The following ARRDC3 variants were observed in gnomAD, a reference collection of about 807,000 sequenced individuals.
ARRDC3 encodes the protein arrestin domain containing 3, also known as arrestin domain-containing protein 3.
In ARRDC3, 10 loss-of-function variants were observed where a neutral mutation model predicts 47.2. The ratio of observed to expected loss-of-function variants is 0.21; its 90% CI spans 0.13 to 0.36. The LOEUF (loss-of-function observed/expected upper bound fraction) is 0.36. Ranked by LOEUF, ARRDC3 falls within the 10% of genes least tolerant of loss-of-function variation. The probability of loss-of-function intolerance (pLI) is 1.00; values close to 1 mark genes in which losing one functional copy is unlikely to be tolerated. For missense variants in ARRDC3, 381 were observed against 503.6 expected, an observed-to-expected ratio of 0.76 and a Z score of 2.33; for synonymous variants, 156 against 178.3, an observed-to-expected ratio of 0.87 and a Z score of 1.00.
chr5:91,371,371 A>C lies in ARRDC3; in HGVS notation c.*29T>G. On this transcript the variant is annotated 3_prime_UTR_variant, in exon 8 of 8. Transcript: ENST00000265138. ...CCGGAAGAGATACAGTTCGGAACCC[A>C]CATCAACTTGATTCAACCAAGTGTT... The C allele has an allele frequency of 6.3e-7, 1 of 1,591,588 alleles. No individual in the cohort carries two copies. The highest frequency in any genetic ancestry group is 8.6e-7 in the Non-Finnish European group (1 of 1,159,928).
intron 3 of ARRDC3, 112 bp from the exon 4 acceptor site, chr5:91,375,725 T>G: frequency 3.0e-6 from 2 of 660,946 alleles, no homozygotes; most frequent in South Asian, 7.7e-5. Flanking sequence ...TTACAACTGG[T>G]TTTGCTTTTT....
intron 6 of ARRDC3, 40 bp downstream of exon 6, chr5:91,374,071 ATAG>A (rs750691126): frequency 2.5e-6 from 4 of 1,574,334 alleles, no homozygotes; most frequent in Non-Finnish European, 3.5e-6. Context: ...TTTCTTGATA[ATAG>A]TAGTAAGAGA....
In ARRDC3 at chr5:91,382,795, T is replaced by G. The variant is rs969691849; in HGVS notation, c.280+18A>C. 6.2e-7 allele frequency: 1 copy of G among 1,602,926 alleles called. No homozygotes were observed. The highest frequency in any genetic ancestry group is 8.5e-7 in the Non-Finnish European group (1 of 1,174,526). On this transcript the variant is annotated intron_variant, in intron 1 of 7. Transcript: ENST00000265138. ...CAAAGAAAATGAGTCCAATGACTTA[T>G]GAATAACAAAAACTTACCTCTTTCG...
intron 3 of ARRDC3, among the ~76,000 whole-genome samples, chr5:91,376,195 C>T (rs1799298977): frequency 6.6e-6 from 1 of 151,960 alleles, no homozygotes; most frequent in Non-Finnish European, 1.5e-5. Context: ...CTAATGATTC[C>T]CCATTATTTG....
rs536147145 is a variant in ARRDC3 at position 91,378,591 on chromosome 5, G to GTT, written c.362+101_362+102dup. The GTT allele has an allele frequency of 3.8e-4, 260 of 685,960 alleles. No individual in the cohort carries two copies. The African/African-American group carries it at 4.3e-3, about 11-fold the overall frequency. 42.5% of individuals were successfully genotyped at this position (685,960 alleles called of 1,614,324 possible). Reference sequence around the variant, plus strand: ...CTAGCAAGTTTCAGTAATGAAAAGGGTTTTTTTTTCAACTAAAAATGTTTA... The same window carrying GTT: ...CTAGCAAGTTTCAGTAATGAAAAGGGTTTTTTTTTTTCAACTAAAAATGTTTA... On this transcript the variant is annotated intron_variant, in intron 2 of 7. Coordinates refer to ENST00000265138, the MANE Select transcript of ARRDC3 (RefSeq NM_020801.4).
At chr5:91,375,707 A>G (rs1195424764) in intron 3 of ARRDC3, 94 bp from the exon 4 acceptor site, 1 of 826,426 alleles carries the variant, frequency 1.2e-6, no homozygotes, top group Non-Finnish European at 1.7e-6. Context: ...TTTATGGAAA[A>G]TTAAAAATTA....
chr5:91,373,752 C>T lies in ARRDC3; in HGVS notation c.1120G>A (p.Ala374Thr), dbSNP rs753443726. ...PVSACDDFER[A>T]LQGPLFAYIQ... ...TATGCAAACAGTGGTCCTTGAAGGGCTCTCTCAAAGTCATCACAAGCACTC... is the reference window on the plus strand; with the variant it reads ...TATGCAAACAGTGGTCCTTGAAGGGTTCTCTCAAAGTCATCACAAGCACTC... The change falls in exon 7 of 8, where the codon GCC becomes ACC. Residue 374 changes from alanine to threonine, a missense_variant. Physicochemically the swap from Ala to Thr is moderately conservative, Grantham distance 58. Coordinates refer to ENST00000265138, the MANE Select transcript of ARRDC3 (RefSeq NM_020801.4). The T allele has an allele frequency of 6.2e-7, 1 of 1,614,068 alleles. No individual in the cohort carries two copies. Among genetic ancestry groups the T allele is most frequent in the South Asian group, 1.1e-5 (1 of 91,080 alleles).
chr5:91,375,065 C>T lies in ARRDC3; in HGVS notation c.727G>A (p.Val243Ile), dbSNP rs1281906944. The change falls in exon 5 of 8, where the codon GTA becomes ATA. Residue 243 changes from valine to isoleucine, a missense_variant. By Grantham distance (29) the Val-to-Ile change is conservative (BLOSUM62 3). Transcript: ENST00000265138. ...AFYAKGKMKE[V>I]KQLVANLRGE... ...CGCAAGTTAGCCACAAGCTGTTTTA[C>T]TTCCTTCATTTTCCCTTTGGCATAG... 6.2e-7 allele frequency: 1 copy of T among 1,614,206 alleles called. No individual in the cohort carries two copies. The highest frequency in any genetic ancestry group is 8.5e-7 in the Non-Finnish European group (1 of 1,180,022).
chr5:91,380,106 G>A (rs1347279700), intron 1 of ARRDC3: 1 of 152,282 alleles, frequency 6.6e-6, no homozygotes, highest in African/African-American at 2.4e-5. Flanking sequence ...GCGAGCGGCG[G>A]CGGCCGCGCC....
chr5:91,378,981 TGGG>T (rs1799372797), intron 1 of ARRDC3, among the ~76,000 whole-genome samples: 1 of 152,082 alleles, frequency 6.6e-6, no homozygotes, highest in South Asian at 2.1e-4. Flanking sequence ...ATCTGTAAAA[TGGG>T]GATAATGAAT....
At chr5:91,371,887 C>T (rs151161743) in intron 7 of ARRDC3, among the ~76,000 whole-genome samples, 3 of 152,278 alleles carry the variant, frequency 2.0e-5, no homozygotes, top group East Asian at 3.9e-4. Context: ...TCATCGCTTC[C>T]TCTGACTTTG....
At chr5:91,373,993 G>A in intron 6 of ARRDC3, 121 bp downstream of exon 6, 1 of 1,406,076 alleles carries the variant, frequency 7.1e-7, no homozygotes, top group Non-Finnish European at 9.7e-7. Flanking sequence ...AATATTAGGG[G>A]CACATCTACT....
rs542259437 is a variant in ARRDC3, at chr5:91,383,201, T to C, written c.-109A>G. On this transcript the variant is annotated 5_prime_UTR_variant, in exon 1 of 8. Transcript: ENST00000265138. Reference sequence around the variant, plus strand: ...TCGATATTTTTGCCGTGCAAAATGCTTGCAGGCCGGATCAGTGATTCTCTA... The same window carrying C: ...TCGATATTTTTGCCGTGCAAAATGCCTGCAGGCCGGATCAGTGATTCTCTA... 49 of 1,023,814 alleles carry C rather than the reference T, an allele frequency of 4.8e-5. No homozygotes were observed. The African/African-American group carries it at 7.0e-4, about 15-fold the overall frequency. The allele number at this position is 1,023,814 out of a possible 1,614,324, so 63.4% of individuals were successfully genotyped here.
intron 3 of ARRDC3, among the ~76,000 whole-genome samples, chr5:91,375,969 CA>C (rs1799291254): frequency 6.6e-6 from 1 of 151,878 alleles, no homozygotes; most frequent in Admixed American, 6.6e-5. Context: ...AAAAAGGCAG[CA>C]AAGAAAGCAA....
At chr5:91,377,640 G>C (rs1445667923) in intron 2 of ARRDC3, among the ~76,000 whole-genome samples, 1 of 149,512 alleles carries the variant, frequency 6.7e-6, no homozygotes, top group Non-Finnish European at 1.5e-5. Flanking sequence ...ATCTTAAACT[G>C]TATGCTAATA....
chr5:91,373,106 A>G (rs1799217269), intron 7 of ARRDC3, among the ~76,000 whole-genome samples: 1 of 152,168 alleles, frequency 6.6e-6, no homozygotes, highest in Non-Finnish European at 1.5e-5. Flanking sequence ...ACATTATTAC[A>G]TAATATTTTG....
At chr5:91,379,644 G>T (rs1451289967) in intron 1 of ARRDC3, among the ~76,000 whole-genome samples, 1 of 151,342 alleles carries the variant, frequency 6.6e-6, no homozygotes, top group Non-Finnish European at 1.5e-5. Context: ...AAATATAATC[G>T]AAAATATGGG....
At chr5:91,376,505 A>G in intron 3 of ARRDC3, 116 bp downstream of exon 3, 2 of 953,438 alleles carry the variant, frequency 2.1e-6, no homozygotes, top group East Asian at 2.7e-5. Flanking sequence ...TATTTATGAA[A>G]TTTTAAAAGA....
At chr5:91,375,698 T>G (rs919814948) in intron 3 of ARRDC3, 85 bp from the exon 4 acceptor site, 4 of 887,454 alleles carry the variant, frequency 4.5e-6, no homozygotes, top group Admixed American at 3.2e-5. Flanking sequence ...AACCCTAAAT[T>G]TATGGAAAAT....
Sources: allele counts gnomAD v4.1 joint callset (sites outside exome capture counted in the v4.1 genomes callset), GRCh38; gene constraint gnomAD v4.1.1; transcripts MANE v1.5; gene names NCBI Gene and HGNC (gene_info 2026-07-23, HGNC 2026-07-21).